The following CUL4A variants were observed in gnomAD, a reference collection of about 807,000 sequenced individuals.
CUL4A encodes the protein cullin 4A, also known as cullin-4A.
Under a neutral mutation model 95.5 loss-of-function variants are expected in CUL4A, and 16 were observed. The ratio of observed to expected loss-of-function variants is 0.17; its 90% CI spans 0.11 to 0.25. The LOEUF is 0.25. Ranked by LOEUF, CUL4A falls within the 10% of genes least tolerant of loss-of-function variation. The probability of loss-of-function intolerance (pLI) is 1.00; values close to 1 mark genes in which losing one functional copy is unlikely to be tolerated. For missense variants in CUL4A, 610 were observed against 937.0 expected (o/e 0.65, Z 4.56); for synonymous variants, 380 against 353.1 (o/e 1.08, Z -0.85).
At chr13:113,208,662 C>T, upstream of CUL4A, 1 of 1,599,466 alleles carries the variant, frequency 6.3e-7, no homozygotes. Context: ...GAGAGCGCCA[C>T]CCCCTACGCC....
In CUL4A at chr13:113,266,508, G is replaced by A. The variant is rs1401613817; in HGVS notation, c.*2926G>A. 4.6e-5 allele frequency: 7 copies of A among 152,110 alleles called. No homozygotes were observed. The highest frequency in any genetic ancestry group is 8.8e-5 in the Non-Finnish European group (6 of 68,026). The allele number at this position is 152,110 out of a possible 1,614,324, so 9.4% of individuals were successfully genotyped here. Reference sequence around the variant, plus strand: ...TAAAACCTTCCTTTAAAACACAAGCGGATTCTAAAGTTAAAACAGAAAAGC... The same window carrying A: ...TAAAACCTTCCTTTAAAACACAAGCAGATTCTAAAGTTAAAACAGAAAAGC... On this transcript the variant is annotated 3_prime_UTR_variant, in exon 20 of 20. Coordinates refer to ENST00000375440, the MANE Select transcript of CUL4A (RefSeq NM_001008895.4).
At chr13:113,210,544 G>A (rs563403289) in intron 2 of CUL4A, among the ~76,000 whole-genome samples, 14 of 152,358 alleles carry the variant, frequency 9.2e-5, no homozygotes, top group African/African-American at 2.9e-4. Context: ...TTTGTTCTCT[G>A]TTGTGTTTTG....
At chr13:113,239,642 G>A in intron 10 of CUL4A, 91 bp downstream of exon 10, 1 of 920,128 alleles carries the variant, frequency 1.1e-6, no homozygotes, top group East Asian at 2.6e-5. Context: ...CTGGCAAAGG[G>A]AACTGGGCTG....
intron 6 of CUL4A, among the ~76,000 whole-genome samples, chr13:113,233,625 T>G (rs2041438880): frequency 1.3e-5 from 2 of 152,138 alleles, no homozygotes; most frequent in Non-Finnish European, 2.9e-5. Flanking sequence ...CAAAGCCAGA[T>G]GACACGCTGG....
upstream of CUL4A, chr13:113,208,922 C>T: frequency 1.5e-6 from 2 of 1,353,732 alleles, no homozygotes; most frequent in Admixed American, 3.6e-5. Context: ...GCGAGGACAG[C>T]CCCACGGCTA....
chr13:113,243,357 AGGAGG>A (rs1157614285), intron 11 of CUL4A, among the ~76,000 whole-genome samples, 197 bp downstream of exon 11: 1 of 152,104 alleles, frequency 6.6e-6, no homozygotes, highest in Non-Finnish European at 1.5e-5. Context: ...GCATGGGTGG[AGGAGG>A]GCATTTCCAT....
chr13:113,257,176 C>T (rs541213719), intron 18 of CUL4A, among the ~76,000 whole-genome samples: 9 of 152,136 alleles, frequency 5.9e-5, no homozygotes, highest in East Asian at 3.9e-4. Context: ...TCACCCATCT[C>T]GGCCTCCCAA....
In CUL4A at chr13:113,265,705, AAAAG is replaced by A. The variant is rs2042386410; in HGVS notation, c.*2128_*2131del. On this transcript the variant is annotated 3_prime_UTR_variant, in exon 20 of 20. Transcript: ENST00000375440. Reference sequence around the variant, plus strand: ...CCCGGCCTGCCTGTTTCTGTTTTATAAAAGAAAGGAAAATCTATTTATATCTATT... The same window carrying A: ...CCCGGCCTGCCTGTTTCTGTTTTATAAAAGGAAAATCTATTTATATCTATT... 6.6e-6 allele frequency: 1 copy of A among 152,226 alleles called. No individual in the cohort carries two copies. Among genetic ancestry groups the A allele is most frequent in the African/African-American group, 2.4e-5 (1 of 41,458 alleles). 9.4% of individuals were successfully genotyped at this position (152,226 alleles called of 1,614,324 possible).
At chr13:113,218,003 G>A (rs564584971) in intron 2 of CUL4A, among the ~76,000 whole-genome samples, 16 of 152,350 alleles carry the variant, frequency 1.1e-4, no homozygotes, top group Admixed American at 7.2e-4. Context: ...GTGGGAGGCC[G>A]AGGCGGACAA....
chr13:113,253,049 G>A (rs1387320790), intron 15 of CUL4A, 33 bp from the exon 16 acceptor site: 12 of 1,071,908 alleles, frequency 1.1e-5, no homozygotes, highest in Non-Finnish European at 1.5e-5. Flanking sequence ...GATGGTGTGT[G>A]GCATAATTTT....
chr13:113,252,298 G>C (rs2042014480), intron 15 of CUL4A, among the ~76,000 whole-genome samples: 1 of 152,156 alleles, frequency 6.6e-6, no homozygotes, highest in Non-Finnish European at 1.5e-5. Flanking sequence ...CGTTTTGGGA[G>C]GCCGAGGCAG....
At chr13:113,236,669 T>C (rs2041555748) in intron 8 of CUL4A, among the ~76,000 whole-genome samples, 154 bp from the exon 9 acceptor site, 1 of 151,940 alleles carries the variant, frequency 6.6e-6, no homozygotes, top group South Asian at 2.1e-4. Context: ...GCAACAGGAG[T>C]CGTCGTCCGT....
At chr13:113,261,264 G>A (rs548624456) in intron 19 of CUL4A, among the ~76,000 whole-genome samples, 8 of 152,242 alleles carry the variant, frequency 5.3e-5, no homozygotes, top group African/African-American at 1.2e-4. Flanking sequence ...AGGATAAGCC[G>A]GGAAAGTATT....
intron 10 of CUL4A, among the ~76,000 whole-genome samples, chr13:113,241,638 T>C (rs1232554106): frequency 6.6e-6 from 1 of 151,178 alleles, no homozygotes; most frequent in East Asian, 2.0e-4. Flanking sequence ...CTCAGCCTCC[T>C]GAGTAGCTGG....
intron 5 of CUL4A, 128 bp from the exon 6 acceptor site, chr13:113,233,049 G>A (rs1655544143): frequency 4.2e-6 from 4 of 953,840 alleles, no homozygotes; most frequent in African/African-American, 3.3e-5. Context: ...GGAATTCTTG[G>A]CACCTAGATG....
chr13:113,217,918 T>C (rs185502001), intron 2 of CUL4A, among the ~76,000 whole-genome samples: 36 of 152,316 alleles, frequency 2.4e-4, no homozygotes, highest in Non-Finnish European at 3.5e-4. Context: ...AGTAAAAATA[T>C]TGTGAGAAAA....
upstream of CUL4A, chr13:113,208,199 C>T: frequency 3.9e-6 from 6 of 1,554,098 alleles, no homozygotes; most frequent in Non-Finnish European, 5.2e-6. Context: ...CCGAATTCAT[C>T]CCGCATCCTG....
At chr13:113,256,447 A>T (rs1376107650) in intron 18 of CUL4A, among the ~76,000 whole-genome samples, 1 of 152,136 alleles carries the variant, frequency 6.6e-6, no homozygotes, top group East Asian at 1.9e-4. Context: ...CTGCTGGGTA[A>T]AATAATGTGT....
chr13:113,224,640 A>G (rs1313554061), intron 3 of CUL4A, among the ~76,000 whole-genome samples: 1 of 152,262 alleles, frequency 6.6e-6, no homozygotes, highest in Non-Finnish European at 1.5e-5. Context: ...TTCCTTAGAA[A>G]GACTTTGTGC....
Sources: allele counts gnomAD v4.1 joint callset (sites outside exome capture counted in the v4.1 genomes callset), GRCh38; gene constraint gnomAD v4.1.1; transcripts MANE v1.5; gene names NCBI Gene and HGNC (gene_info 2026-07-23, HGNC 2026-07-21).